Variants in SORCS2 observed in about 807,000 individuals in gnomAD.
The protein encoded by SORCS2 is sortilin related VPS10 domain containing receptor 2, also known as VPS10 domain-containing receptor SorCS2.
A neutral mutation model predicts 141.6 loss-of-function variants in SORCS2; 100 were observed. That is an observed-to-expected ratio of 0.71 (90% CI 0.60 to 0.83). SORCS2 has a LOEUF of 0.83. Ranked by LOEUF, SORCS2 falls within the 40% of genes least tolerant of loss-of-function variation. The pLI, the probability that SORCS2 is intolerant of heterozygous loss-of-function variation, is 0.00. For missense variants in SORCS2, 1,646 were observed against 1,560.2 expected, an observed-to-expected ratio of 1.05 and a Z score of -0.93; for synonymous variants, 789 against 676.9, an observed-to-expected ratio of 1.17 and a Z score of -2.57.
chr4:7,396,734 GCT>G (rs1371892213), intron 2 of SORCS2, among the ~76,000 whole-genome samples: 1 of 152,150 alleles, frequency 6.6e-6, no homozygotes, highest in South Asian at 2.1e-4. Flanking sequence ...CCCACCAAAG[GCT>G]CTGATTATCC....
intron 9 of SORCS2, among the ~76,000 whole-genome samples, chr4:7,676,925 TCTCTCC>T (rs1723191410): frequency 5.2e-5 from 3 of 57,424 alleles, no homozygotes; most frequent in African/African-American, 1.9e-4. Context: ...CCTCTCTCCC[TCTCTCC>T]CTCTCTCCCT....
At chr4:7,501,469 G>A (rs912282008) in intron 2 of SORCS2, among the ~76,000 whole-genome samples, 11 of 152,100 alleles carry the variant, frequency 7.2e-5, no homozygotes, top group East Asian at 1.9e-4. Context: ...CAGGATTTAC[G>A]TGTTTTGATG....
chr4:7,539,733 T>A, intron 3 of SORCS2, among the ~76,000 whole-genome samples: 1 of 106,408 alleles, frequency 9.4e-6, no homozygotes, highest in East Asian at 3.1e-4. Context: ...CGCCCCTTCC[T>A]GCTGTGGCGG....
chr4:7,710,503 A>G (rs1173150751), intron 14 of SORCS2, among the ~76,000 whole-genome samples: 2 of 152,166 alleles, frequency 1.3e-5, no homozygotes, highest in Non-Finnish European at 2.9e-5. Flanking sequence ...AGTTTCCCCT[A>G]AAAAATCATT....
intron 2 of SORCS2, among the ~76,000 whole-genome samples, chr4:7,452,412 G>A (rs1168117182): frequency 6.6e-6 from 1 of 152,220 alleles, no homozygotes; most frequent in East Asian, 1.9e-4. Flanking sequence ...AAAGTGCTGG[G>A]ATTACAGGCA....
intron 1 of SORCS2, among the ~76,000 whole-genome samples, chr4:7,372,993 C>A (rs1284824415): frequency 4.9e-5 from 7 of 141,828 alleles, no homozygotes; most frequent in African/African-American, 1.8e-4. Context: ...TGCAGGACAT[C>A]TTGGTGGTTT....
intron 8 of SORCS2, among the ~76,000 whole-genome samples, chr4:7,675,134 CAAG>C (rs1265841323): frequency 6.6e-6 from 1 of 152,210 alleles, no homozygotes; most frequent in Non-Finnish European, 1.5e-5. Context: ...GAAAAGAAAA[CAAG>C]AAACTGAGGT....
At chr4:7,448,170 C>A (rs991821705) in intron 2 of SORCS2, among the ~76,000 whole-genome samples, 4 of 152,176 alleles carry the variant, frequency 2.6e-5, no homozygotes, top group Non-Finnish European at 5.9e-5. Context: ...TTCGTGCCCC[C>A]CACTGTCCTG....
At chr4:7,510,552 G>A (rs965885318) in intron 2 of SORCS2, among the ~76,000 whole-genome samples, 2 of 152,052 alleles carry the variant, frequency 1.3e-5, no homozygotes, top group Non-Finnish European at 2.9e-5. Flanking sequence ...TGTTCTGTGC[G>A]CGGCATGTCC....
At chr4:7,440,560 C>G (rs1055117368) in intron 2 of SORCS2, among the ~76,000 whole-genome samples, 1 of 152,238 alleles carries the variant, frequency 6.6e-6, no homozygotes, top group Admixed American at 6.5e-5. Flanking sequence ...GGCAGGGTAA[C>G]AGAGTTGCCT....
rs550128769 is a variant in SORCS2 at position 7,307,247 on chromosome 4, C to T, written c.481-89041C>T. Among the ~76,000 whole-genome samples the T allele has an allele frequency of 1.1e-4, 16 of 152,336 alleles. No homozygotes were observed. In the South Asian group the frequency reaches 2.9e-3, roughly 28 times the overall value. On this transcript the variant is annotated intron_variant, in intron 1 of 26. Coordinates refer to ENST00000507866, the MANE Select transcript of SORCS2 (RefSeq NM_020777.3). The stretch of plus-strand genomic sequence containing the variant: ...AGGCACTGCTGTGCCCGGGAGGGAT[C>T]GTTCACGGGTCCTGGGAGGGGATTC...
At chr4:7,520,722 G>A (rs537915674) in intron 2 of SORCS2, among the ~76,000 whole-genome samples, 25 of 152,342 alleles carry the variant, frequency 1.6e-4, no homozygotes, top group African/African-American at 5.5e-4. Flanking sequence ...CTCTGTTGCC[G>A]CCAGCCCTCT....
rs115079143 is a variant in SORCS2 at position 7,551,669 on chromosome 4, G to A, written c.648+20040G>A. 9.6e-3 allele frequency among the ~76,000 whole-genome samples: 1,466 copies of A among 152,278 alleles called. 20 individuals are homozygous for A. The highest frequency in any genetic ancestry group is 0.033 in the African/African-American group (1,353 of 41,552). ...GAGCTGGGTCTTCTCTGCTGTCAGG[G>A]CCACAAGGTGAGGCATGTATCCACA... is the stretch of plus-strand genomic sequence containing the variant. On this transcript the variant is annotated intron_variant, in intron 3 of 26. Transcript: ENST00000507866.
chr4:7,659,276 CAA>C (rs549698315), intron 5 of SORCS2, among the ~76,000 whole-genome samples: 9 of 117,112 alleles, frequency 7.7e-5, no homozygotes, highest in Admixed American at 1.8e-4. Flanking sequence ...TTCCTTTCAT[CAA>C]AAAAAAAAAA....
At chr4:7,734,395 C>A in intron 25 of SORCS2, 21 bp downstream of exon 25, 1 of 1,473,026 alleles carries the variant, frequency 6.8e-7, no homozygotes, top group Non-Finnish European at 9.1e-7. Flanking sequence ...TGGCTGCCCT[C>A]CTCTGCGGGG....
intron 3 of SORCS2, among the ~76,000 whole-genome samples, chr4:7,597,628 A>G (rs1166306795): frequency 6.9e-6 from 1 of 145,066 alleles, no homozygotes; most frequent in African/African-American, 2.6e-5. Context: ...GGTTATTGTT[A>G]AAGGGAAGGG....
rs1190001441 is a variant in SORCS2 at position 7,555,801 on chromosome 4, G to A, written c.648+24172G>A. ...AAACCTGAAGGTAAGAGCTACATAG[G>A]TGAAGGGAGCAGGTGCAAAGGTCCT... On this transcript the variant is annotated intron_variant, in intron 3 of 26. Transcript: ENST00000507866. 8.5e-5 allele frequency among the ~76,000 whole-genome samples: 13 copies of A among 152,228 alleles called. 1 individual carries two copies. Among genetic ancestry groups the A allele is most frequent in the Non-Finnish European group, 1.5e-4 (10 of 68,052 alleles).
At chr4:7,612,613 C>T (rs558893985) in intron 3 of SORCS2, among the ~76,000 whole-genome samples, 2 of 152,282 alleles carry the variant, frequency 1.3e-5, no homozygotes, top group African/African-American at 2.4e-5. Context: ...CGCAGTGACT[C>T]GGCTGGGTGT....
At chr4:7,702,041 G>A (rs956967506) in intron 12 of SORCS2, among the ~76,000 whole-genome samples, 1 of 152,212 alleles carries the variant, frequency 6.6e-6, no homozygotes, top group Non-Finnish European at 1.5e-5. Flanking sequence ...CTGCACAGCT[G>A]TGCCTTCCCG....
Sources: gnomAD v4.1 joint callset for allele counts (sites outside exome capture counted in the v4.1 genomes callset) on GRCh38, gnomAD v4.1.1 for gene constraint, MANE v1.5 for transcripts, NCBI Gene and HGNC (gene_info 2026-07-23, HGNC 2026-07-21) for gene names.